Variants in IL1RAPL2 observed in about 807,000 individuals in gnomAD.
IL1RAPL2 encodes the protein interleukin 1 receptor accessory protein like 2, also known as X-linked interleukin-1 receptor accessory protein-like 2.
A neutral mutation model predicts 44.1 loss-of-function variants in IL1RAPL2; 3 were observed. The observed-to-expected ratio is 0.07, with a 90% confidence interval of 0.03 to 0.18. The LOEUF is 0.18. IL1RAPL2 is among the 10% of genes least tolerant of loss of function. The pLI is 1.00. For missense variants in IL1RAPL2, 391 were observed against 496.4 expected (o/e 0.79, Z 2.02); for synonymous variants, 181 against 178.8 (o/e 1.01, Z -0.10).
At chrX:105,318,997 T>TC (rs1200923455) in intron 5 of IL1RAPL2, among the ~76,000 whole-genome samples, 1 of 112,252 alleles carries the variant, frequency 8.9e-6, no homozygotes, top group Non-Finnish European at 1.9e-5. Flanking sequence ...TTATACCTTT[T>TC]CCCCTAATGG....
chrX:105,104,959 T>C (rs1039223996), intron 2 of IL1RAPL2, among the ~76,000 whole-genome samples: 3 of 112,163 alleles, frequency 2.7e-5, no homozygotes, highest in African/African-American at 9.7e-5. Flanking sequence ...ATTTATTTTC[T>C]GTTTTCTCCA....
At chrX:104,681,519 A>C (rs1444981851) in intron 2 of IL1RAPL2, among the ~76,000 whole-genome samples, 1 of 112,689 alleles carries the variant, frequency 8.9e-6, no homozygotes, top group Non-Finnish European at 1.9e-5. Flanking sequence ...TTTCCTTGGA[A>C]TAAAGAAGTC....
chrX:105,319,529 G>T (rs777331557), intron 5 of IL1RAPL2, among the ~76,000 whole-genome samples: 13 of 111,816 alleles, frequency 1.2e-4, no homozygotes, highest in Non-Finnish European at 1.7e-4. Context: ...GAAGCAAGAT[G>T]ATTCTAAAAA....
At chrX:104,824,617 G>A (rs1176580575) in intron 2 of IL1RAPL2, among the ~76,000 whole-genome samples, 1 of 111,617 alleles carries the variant, frequency 9.0e-6, no homozygotes, top group East Asian at 2.8e-4. Flanking sequence ...AGTCTTGGGA[G>A]GGTGTATGTT....
intron 6 of IL1RAPL2, among the ~76,000 whole-genome samples, chrX:105,521,098 C>A (rs5916917): frequency 1.0e-5 from 1 of 99,799 alleles, no homozygotes; most frequent in Non-Finnish European, 2.0e-5. Context: ...CCAAGCCCGG[C>A]TAATTTTTTT....
At chrX:105,036,443 A>G (rs1174209189) in intron 2 of IL1RAPL2, among the ~76,000 whole-genome samples, 1 of 112,080 alleles carries the variant, frequency 8.9e-6, no homozygotes, top group Non-Finnish European at 1.9e-5. Context: ...GCCAACGACT[A>G]CCTCTTACAA....
chrX:104,653,788 T>G (rs1480969770), intron 1 of IL1RAPL2, among the ~76,000 whole-genome samples: 2 of 111,414 alleles, frequency 1.8e-5, no homozygotes, highest in Non-Finnish European at 3.8e-5. Context: ...TTTAAAAATC[T>G]TTACATAGAA....
In IL1RAPL2 at chrX:105,106,524, GAAT is replaced by G. The variant is rs1488220400; in HGVS notation, c.83-88950_83-88948del. Among the ~76,000 whole-genome samples, 3 of 110,877 alleles carry G rather than the reference GAAT, an allele frequency of 2.7e-5. No individual in the cohort carries two copies. The Admixed American group carries it at 2.9e-4, about 11-fold the overall frequency. On this transcript the variant is annotated intron_variant, in intron 2 of 10. Transcript: ENST00000372582. Reference sequence around the variant, plus strand: ...TTCCTTCTTGTCAATATGAAATATAGAATTGGAGTCTACTCAGAAATATACAAG... The same window carrying G: ...TTCCTTCTTGTCAATATGAAATATAGTGGAGTCTACTCAGAAATATACAAG...
chrX:104,596,443 A>G (rs1010597608), intron 1 of IL1RAPL2, among the ~76,000 whole-genome samples: 2 of 111,928 alleles, frequency 1.8e-5, no homozygotes, highest in African/African-American at 6.5e-5. Flanking sequence ...TGAGATTGTG[A>G]CCAACTAGTA....
chrX:105,199,246 G>A (rs782819470), intron 3 of IL1RAPL2, among the ~76,000 whole-genome samples: 14 of 108,828 alleles, frequency 1.3e-4, no homozygotes, highest in Non-Finnish European at 2.5e-4. Context: ...CTTTGCCCGT[G>A]GGAAGCTCTT....
At chrX:105,401,440 T>C (rs1293004309) in intron 5 of IL1RAPL2, among the ~76,000 whole-genome samples, 1 of 111,534 alleles carries the variant, frequency 9.0e-6, no homozygotes, top group Non-Finnish European at 1.9e-5. Flanking sequence ...ATTAAAGTAA[T>C]ACAACAAAAA....
chrX:104,883,793 A>G (rs1217517292), intron 2 of IL1RAPL2, among the ~76,000 whole-genome samples: 1 of 111,668 alleles, frequency 9.0e-6, no homozygotes, highest in Non-Finnish European at 1.9e-5. Context: ...CTGGAATTTT[A>G]GGATCCCTCC....
chrX:105,100,198 A>G (rs114234665), intron 2 of IL1RAPL2, among the ~76,000 whole-genome samples: 1 of 112,027 alleles, frequency 8.9e-6, no homozygotes, highest in Admixed American at 9.5e-5. Context: ...AAAACATAGT[A>G]TATATAAGGT....
At chrX:105,435,851 G>A (rs1243665270) in intron 5 of IL1RAPL2, among the ~76,000 whole-genome samples, 3 of 110,666 alleles carry the variant, frequency 2.7e-5, no homozygotes, top group Non-Finnish European at 5.7e-5. Flanking sequence ...ATTAGAATAC[G>A]TGGACACAGG....
intron 5 of IL1RAPL2, among the ~76,000 whole-genome samples, chrX:105,380,597 T>C (rs986216639): frequency 7.2e-5 from 8 of 111,845 alleles, no homozygotes; most frequent in Non-Finnish European, 7.5e-5. Context: ...TCCATAGCTC[T>C]CTCTACTCTG....
intron 5 of IL1RAPL2, among the ~76,000 whole-genome samples, chrX:105,364,181 C>T (rs1475247932): frequency 1.8e-5 from 2 of 111,554 alleles, no homozygotes; most frequent in Non-Finnish European, 3.8e-5. Context: ...AGAGACTATT[C>T]TTCCCCGTTG....
chrX:104,846,271 T>A (rs1602755498), intron 2 of IL1RAPL2, among the ~76,000 whole-genome samples: 2 of 110,651 alleles, frequency 1.8e-5, no homozygotes, highest in African/African-American at 3.3e-5. Flanking sequence ...TATGTATACA[T>A]GTGCCATGTT....
chrX:105,692,699 A>G (rs1052407962), intron 6 of IL1RAPL2, among the ~76,000 whole-genome samples: 2 of 108,709 alleles, frequency 1.8e-5, no homozygotes, highest in East Asian at 5.8e-4. Context: ...AGAGATGGGC[A>G]GGATTGAGGT....
chrX:105,236,426 C>A (rs1452078528), intron 4 of IL1RAPL2, among the ~76,000 whole-genome samples: 1 of 112,292 alleles, frequency 8.9e-6, no homozygotes, highest in Non-Finnish European at 1.9e-5. Flanking sequence ...TTCCTAAGTA[C>A]TTACTGTATG....
Sources: gnomAD v4.1 joint callset for allele counts (sites outside exome capture counted in the v4.1 genomes callset) on GRCh38, gnomAD v4.1.1 for gene constraint, MANE v1.5 for transcripts, NCBI Gene and HGNC (gene_info 2026-07-23, HGNC 2026-07-21) for gene names.